The following DNAH7 variants were observed in gnomAD, a reference collection of about 807,000 sequenced individuals.
DNAH7 encodes dynein axonemal heavy chain 7.
Under a neutral mutation model 444.6 loss-of-function variants are expected in DNAH7, and 397 were observed. The ratio of observed to expected loss-of-function variants is 0.89; its 90% confidence interval spans 0.82 to 0.97. DNAH7 has a LOEUF of 0.97. DNAH7 is among the 50% of genes least tolerant of loss of function. DNAH7 has a pLI of 0.00. For missense variants in DNAH7, 4,902 were observed against 4,800.8 expected, an observed-to-expected ratio of 1.02 and a Z score of -0.62; for synonymous variants, 1,636 against 1,624.4, an observed-to-expected ratio of 1.01 and a Z score of -0.17.
chr2:195,977,933 T>A (rs1318825138), intron 15 of DNAH7, among the ~76,000 whole-genome samples: 1 of 152,144 alleles, frequency 6.6e-6, no homozygotes, highest in Non-Finnish European at 1.5e-5. Flanking sequence ...AGAAGAACTT[T>A]CCCAGACAAA....
chr2:195,881,299 A>T (rs1701362031), intron 36 of DNAH7, among the ~76,000 whole-genome samples: 1 of 152,206 alleles, frequency 6.6e-6, no homozygotes, highest in African/African-American at 2.4e-5. Flanking sequence ...CCTCAAAAGT[A>T]TCTTCATTCT....
chr2:195,762,590 A>C (rs865986456), intron 61 of DNAH7, among the ~76,000 whole-genome samples: 1 of 152,204 alleles, frequency 6.6e-6, no homozygotes, highest in African/African-American at 2.4e-5. Context: ...TACTTATATC[A>C]GACAAAATAG....
chr2:195,796,659 C>CA lies in DNAH7; in HGVS notation c.10431_10432insT (p.Ala3478CysfsTer24). 4 of 1,614,168 alleles carry CA rather than the reference C, an allele frequency of 2.5e-6. No homozygotes were observed. Among genetic ancestry groups the CA allele is most frequent in the Non-Finnish European group, 2.5e-6 (3 of 1,180,014 alleles). ...ACAACCCATGTTCCTTCCTTGACAG[C>CA]TTTTTCTAACATCTTCATAGCAATG... On this transcript the variant is annotated frameshift_variant, in exon 56 of 65. Transcript: ENST00000312428. LOFTEE classifies it high-confidence loss of function.
Position 196,026,941 on chromosome 2 carries a change from C to A in DNAH7, c.487-1G>T. 6.4e-7 allele frequency: 1 copy of A among 1,561,180 alleles called. No homozygotes were observed. The highest frequency in any genetic ancestry group is 1.2e-5 in the South Asian group (1 of 81,462). On this transcript the variant is annotated splice_acceptor_variant, in intron 6 of 64. Transcript: ENST00000312428. LOFTEE classifies it high-confidence loss of function. ...CATGGTGAATATAATAGTAATATCTCTACAAAAAGAAGATAGGAAAAATGT... is the reference window on the plus strand; with the variant it reads ...CATGGTGAATATAATAGTAATATCTATACAAAAAGAAGATAGGAAAAATGT...
At position 195,844,043 on chromosome 2, in the gene DNAH7, C is replaced by T. The variant is rs1440562284; in HGVS notation, c.8945+959G>A. Among the ~76,000 whole-genome samples, 8 of 152,014 alleles carry T rather than the reference C, an allele frequency of 5.3e-5. No individual in the cohort carries two copies. In the East Asian group the frequency reaches 1.5e-3, roughly 29 times the overall value. ...CCTGGGAGGCGGAGCTTGCAGTGAG[C>T]CAAGATCGCACCACTGCACTCCAGC... On this transcript the variant is annotated intron_variant, in intron 47 of 64. Transcript: ENST00000312428.
Position 195,948,271 on chromosome 2 carries a change from G to C in DNAH7, c.3078+8990C>G, listed in dbSNP as rs574501297. ...GTTTACTCTGATGATAGTTTATTTTGCTGTGCAGAAGCTCTTTAGTTTAAT... is the reference window on the plus strand; with the variant it reads ...GTTTACTCTGATGATAGTTTATTTTCCTGTGCAGAAGCTCTTTAGTTTAAT... On this transcript the variant is annotated intron_variant, in intron 19 of 64. Transcript: ENST00000312428. Among the ~76,000 whole-genome samples, 19 of 152,064 alleles carry C rather than the reference G, an allele frequency of 1.2e-4. No homozygotes were observed. The South Asian group carries it at 4.0e-3, about 32-fold the overall frequency.
At chr2:195,756,087 A>C (rs368615570) in intron 62 of DNAH7, 46 bp downstream of exon 62, 3 of 1,541,258 alleles carry the variant, frequency 1.9e-6, no homozygotes, top group Non-Finnish European at 2.6e-6. Context: ...GAAGAAAATG[A>C]AACCAGGAGA....
intron 63 of DNAH7, among the ~76,000 whole-genome samples, chr2:195,743,591 T>C (rs1472699025): frequency 6.6e-6 from 1 of 152,172 alleles, no homozygotes. Context: ...AAAAGAAACT[T>C]GGCTTCTATC....
intron 40 of DNAH7, among the ~76,000 whole-genome samples, chr2:195,869,114 A>C (rs1021317017): frequency 2.6e-5 from 4 of 151,890 alleles, no homozygotes; most frequent in South Asian, 4.2e-4. Flanking sequence ...TTATTGAGTG[A>C]AAGTGAAGAA....
intron 46 of DNAH7, among the ~76,000 whole-genome samples, 180 bp downstream of exon 46, chr2:195,853,163 C>G (rs1699486926): frequency 6.6e-6 from 1 of 152,058 alleles, no homozygotes; most frequent in Non-Finnish European, 1.5e-5. Flanking sequence ...ATATTATATG[C>G]ATCTTTTGGC....
chr2:195,996,988 C>G (rs73987173), intron 12 of DNAH7, among the ~76,000 whole-genome samples: 9,718 of 152,204 alleles, frequency 0.064, 406 homozygotes, highest in African/African-American at 0.11. Flanking sequence ...CTGTTTCCCA[C>G]CTGGGCTCAT....
At chr2:195,985,643 G>C (rs1056517833) in intron 14 of DNAH7, among the ~76,000 whole-genome samples, 1 of 152,108 alleles carries the variant, frequency 6.6e-6, no homozygotes, top group Non-Finnish European at 1.5e-5. Context: ...GTCCATCCTA[G>C]GGAGTCTGGT....
At chr2:195,849,148 A>G (rs1260071457) in intron 46 of DNAH7, among the ~76,000 whole-genome samples, 3 of 152,146 alleles carry the variant, frequency 2.0e-5, no homozygotes, top group African/African-American at 7.2e-5. Context: ...TACTGTCACT[A>G]TTTATTGCGA....
chr2:195,872,402 T>C lies in DNAH7; in HGVS notation c.6481A>G (p.Lys2161Glu). The C allele has an allele frequency of 6.2e-7, 1 of 1,613,904 alleles. No homozygotes were observed. Among genetic ancestry groups the C allele is most frequent in the East Asian group, 2.2e-5 (1 of 44,830 alleles). Residue 2161 changes from lysine (K) to glutamate (E), a missense_variant, in exon 40 of 65, where the codon AAA becomes GAA. Transcript: ENST00000312428. ...QIVNGTMTLY[K>E]EAMKNLLPTP... ...GGCAAGAGATTCTTCATTGCTTCTT[T>C]ATACAGAGTCATTGTGCCATTTACG...
chr2:195,921,290 G>A (rs1574775187), intron 24 of DNAH7, among the ~76,000 whole-genome samples: 1 of 150,182 alleles, frequency 6.7e-6, no homozygotes, highest in Middle Eastern at 3.4e-3. Flanking sequence ...ATTTGCACTT[G>A]CAAAAATATG....
At chr2:195,784,061 G>A (rs1458971867) in intron 58 of DNAH7, among the ~76,000 whole-genome samples, 4 of 152,002 alleles carry the variant, frequency 2.6e-5, no homozygotes, top group Admixed American at 1.3e-4. Context: ...AGTGGCACAC[G>A]TCTTACAAAT....
rs990153077 is a variant in DNAH7, at chr2:195,858,820, T to C, written c.7737-16A>G. On this transcript the variant is annotated splice_polypyrimidine_tract_variant and intron_variant, in intron 42 of 64. Transcript: ENST00000312428. ...CATTACTTCACTGGAAGGAAATAGA[T>C]AAAACAAAGTTAATCATGAGGCTCT... 16 of 1,579,410 alleles carry C rather than the reference T, an allele frequency of 1.0e-5. No individual in the cohort carries two copies. The highest frequency in any genetic ancestry group is 1.4e-5 in the Non-Finnish European group (16 of 1,163,302).
In DNAH7 at chr2:195,853,293, T is replaced by C. The variant is rs369120097; in HGVS notation, c.8781+50A>G. 6.5e-6 allele frequency: 10 copies of C among 1,532,404 alleles called. No homozygotes were observed. In the East Asian group the frequency reaches 1.6e-4, roughly 25 times the overall value. 94.9% of individuals were successfully genotyped at this position (1,532,404 alleles called of 1,614,324 possible). A position where few individuals can be genotyped will look rare whatever the true frequency, so the allele number is the denominator to read the frequency against. On this transcript the variant is annotated intron_variant, in intron 46 of 64. Transcript: ENST00000312428. ...TAAAACAAAACCTTGAAGGGTTATA[T>C]TGGCTGTGATGGGCAGAGGGTCAGG...
At chr2:195,827,866 T>C (rs1432471613) in intron 48 of DNAH7, among the ~76,000 whole-genome samples, 1 of 152,144 alleles carries the variant, frequency 6.6e-6, no homozygotes, top group East Asian at 1.9e-4. Flanking sequence ...AATGAGCCAC[T>C]GTACCCGACC....
Sources: gnomAD v4.1 joint callset for allele counts (sites outside exome capture counted in the v4.1 genomes callset) on GRCh38, gnomAD v4.1.1 for gene constraint, MANE v1.5 for transcripts, NCBI Gene and HGNC (gene_info 2026-07-23, HGNC 2026-07-21) for gene names.